GALNTL6: variants seen among roughly 807,000 people sequenced by gnomAD.
The protein encoded by GALNTL6 is polypeptide N-acetylgalactosaminyltransferase-like 6.
Under a neutral mutation model 73.7 loss-of-function variants are expected in GALNTL6, and 46 were observed. The ratio of observed to expected loss-of-function variants is 0.62; its 90% CI spans 0.49 to 0.80. GALNTL6 has a LOEUF of 0.80. Among genes scored for constraint, GALNTL6 ranks in the 30% least tolerant of loss-of-function variants. The pLI, the probability that GALNTL6 is intolerant of heterozygous loss-of-function variation, is 0.00. For missense variants in GALNTL6, 604 were observed against 755.0 expected (o/e 0.80, Z 2.34); for synonymous variants, 259 against 263.7 (o/e 0.98, Z 0.17).
intron 5 of GALNTL6, among the ~76,000 whole-genome samples, chr4:172,414,781 C>T (rs1479723203): frequency 6.6e-6 from 1 of 152,150 alleles, no homozygotes; most frequent in Non-Finnish European, 1.5e-5. Context: ...AGACTTTACT[C>T]ATCATATGGT....
chr4:172,363,276 T>C (rs1472185811), intron 5 of GALNTL6, among the ~76,000 whole-genome samples: 2 of 152,170 alleles, frequency 1.3e-5, no homozygotes, highest in Non-Finnish European at 2.9e-5. Flanking sequence ...GTGTTTTTTC[T>C]TCTAACCAAT....
intron 3 of GALNTL6, among the ~76,000 whole-genome samples, chr4:172,311,232 G>A (rs1221160395): frequency 6.6e-6 from 1 of 152,090 alleles, no homozygotes; most frequent in Non-Finnish European, 1.5e-5. Context: ...CAGTGGAATG[G>A]TGTAAATTGG....
At chr4:172,828,232 A>G (rs915242375) in intron 7 of GALNTL6, among the ~76,000 whole-genome samples, 3 of 146,774 alleles carry the variant, frequency 2.0e-5, no homozygotes, top group Non-Finnish European at 4.4e-5. Flanking sequence ...AGATTGCATC[A>G]TTGCACTCTA....
Position 172,879,827 on chromosome 4 carries a change from AAGTT to A in GALNTL6, c.924-2958_924-2955del, listed in dbSNP as rs1745365407. Among the ~76,000 whole-genome samples the A allele has an allele frequency of 1.3e-5, 2 of 151,988 alleles. 1 individual carries two copies. Among genetic ancestry groups the A allele is most frequent in the South Asian group, 4.1e-4 (2 of 4,828 alleles). ...CAATAAAGAAAATCAATGAAACCAAAAGTTAGTTCTTTCAACAGATTAATAAAAT... is the reference window on the plus strand; with the variant it reads ...CAATAAAGAAAATCAATGAAACCAAAAGTTCTTTCAACAGATTAATAAAAT... On this transcript the variant is annotated intron_variant, in intron 7 of 12. Transcript: ENST00000506823.
chr4:172,132,903 T>C (rs554624853), intron 2 of GALNTL6, among the ~76,000 whole-genome samples: 3 of 152,326 alleles, frequency 2.0e-5, no homozygotes, highest in East Asian at 3.9e-4. Flanking sequence ...CTCTAAAATA[T>C]AGAAACTGGG....
chr4:172,689,616 C>A (rs190918311), intron 5 of GALNTL6, among the ~76,000 whole-genome samples: 1 of 152,220 alleles, frequency 6.6e-6, no homozygotes, highest in East Asian at 1.9e-4. Flanking sequence ...CAGCAAGGGA[C>A]AAGATCTTCT....
intron 5 of GALNTL6, among the ~76,000 whole-genome samples, chr4:172,670,833 G>A (rs1457460393): frequency 2.0e-5 from 3 of 152,126 alleles, no homozygotes; most frequent in Non-Finnish European, 4.4e-5. Flanking sequence ...TGTATCTGGT[G>A]TAAGGAAGGG....
intron 2 of GALNTL6, among the ~76,000 whole-genome samples, chr4:171,834,257 A>T (rs2110830353): frequency 6.6e-6 from 1 of 152,114 alleles, no homozygotes; most frequent in South Asian, 2.1e-4. Context: ...GGATAAAATA[A>T]TCTTGCCTAA....
At position 172,597,203 on chromosome 4, in the gene GALNTL6, A is replaced by G. The variant is rs144561958; in HGVS notation, c.554-212158A>G. On this transcript the variant is annotated intron_variant, in intron 5 of 12. Coordinates refer to ENST00000506823, the MANE Select transcript of GALNTL6 (RefSeq NM_001034845.3). ...GAGTCACAAAACTAATGGATTTGCT[A>G]CCCAGGGGACATCAATTGGATATGA... is the stretch of plus-strand genomic sequence containing the variant. 8.3e-3 allele frequency among the ~76,000 whole-genome samples: 1,262 copies of G among 152,242 alleles called. 17 individuals are homozygous for G. Among genetic ancestry groups the G allele is most frequent in the African/African-American group, 0.028 (1,153 of 41,552 alleles).
chr4:171,897,303 T>C (rs1736950905), intron 2 of GALNTL6, among the ~76,000 whole-genome samples: 1 of 152,200 alleles, frequency 6.6e-6, no homozygotes. Flanking sequence ...TATCTTTATC[T>C]TATTCATTAC....
At chr4:172,981,657 T>A (rs1751067169) in intron 10 of GALNTL6, among the ~76,000 whole-genome samples, 1 of 152,184 alleles carries the variant, frequency 6.6e-6, no homozygotes, top group Non-Finnish European at 1.5e-5. Context: ...TTCTTCCTTT[T>A]CAAGATTGTT....
At chr4:172,096,378 A>T (rs1231524091) in intron 2 of GALNTL6, among the ~76,000 whole-genome samples, 3 of 152,160 alleles carry the variant, frequency 2.0e-5, no homozygotes, top group Non-Finnish European at 4.4e-5. Flanking sequence ...TATAGGCATG[A>T]GCCACTGCCG....
At chr4:172,134,432 G>T (rs1322858916) in intron 2 of GALNTL6, among the ~76,000 whole-genome samples, 1 of 151,678 alleles carries the variant, frequency 6.6e-6, no homozygotes, top group African/African-American at 2.4e-5. Context: ...AACTGGATTA[G>T]GAAAACATGG....
intron 5 of GALNTL6, among the ~76,000 whole-genome samples, chr4:172,420,141 T>C (rs1394167670): frequency 6.6e-6 from 1 of 152,216 alleles, no homozygotes; most frequent in African/African-American, 2.4e-5. Context: ...ATGGAACTCA[T>C]GTAATTTTCT....
At chr4:172,853,637 C>T (rs148638436) in intron 7 of GALNTL6, among the ~76,000 whole-genome samples, 27 of 152,322 alleles carry the variant, frequency 1.8e-4, no homozygotes, top group African/African-American at 6.5e-4. Flanking sequence ...ACTCATTTAA[C>T]TGCCTTACAA....
chr4:172,362,583 A>T (rs1295850681), intron 5 of GALNTL6, among the ~76,000 whole-genome samples: 1 of 152,190 alleles, frequency 6.6e-6, no homozygotes, highest in South Asian at 2.1e-4. Context: ...ATAATTGTGC[A>T]CACTATACCT....
intron 5 of GALNTL6, among the ~76,000 whole-genome samples, chr4:172,623,807 T>C (rs1739054994): frequency 6.6e-6 from 1 of 152,098 alleles, no homozygotes; most frequent in Admixed American, 6.6e-5. Context: ...TGGAAGGCAA[T>C]TTTTTCATTA....
rs1386359209 is a variant in GALNTL6, at chr4:172,809,795, A to G, written c.739+249A>G. 1.3e-5 allele frequency among the ~76,000 whole-genome samples: 2 copies of G among 152,136 alleles called. No individual in the cohort carries two copies. Among genetic ancestry groups the G allele is most frequent in the African/African-American group, 4.8e-5 (2 of 41,424 alleles). On this transcript the variant is annotated intron_variant, in intron 6 of 12. Transcript: ENST00000506823. The surrounding 1 kb of genome is among the most constrained non-coding windows in gnomAD (Gnocchi z 4.4). ...TTCAATCTAACTTACAGTTTAGAAA[A>G]GGTTTCATTTATCTTAGATATCCTC...
In GALNTL6 at chr4:172,156,568, C is replaced by CTATATATATATATACTATATATAT. The variant is rs1560945829; in HGVS notation, c.139-73088_139-73087insTATATATATATATACTATATATAT. Among the ~76,000 whole-genome samples, 8 of 115,790 alleles carry CTATATATATATATACTATATATAT rather than the reference C, an allele frequency of 6.9e-5. 1 individual carries two copies. The highest frequency in any genetic ancestry group is 2.2e-4 in the African/African-American group (6 of 26,922). The allele number at this position is 115,790 out of a possible 152,430, so 76.0% of individuals were successfully genotyped here. Reference sequence around the variant, plus strand: ...ATATATATATATATATATATATATACATACTATATATATATAGTATATTGT... The same window carrying CTATATATATATATACTATATATAT: ...ATATATATATATATATATATATATACTATATATATATATACTATATATATATACTATATATATATAGTATATTGT... On this transcript the variant is annotated intron_variant, in intron 2 of 12. Coordinates refer to ENST00000506823, the MANE Select transcript of GALNTL6 (RefSeq NM_001034845.3).
Sources: gnomAD v4.1 joint callset for allele counts (sites outside exome capture counted in the v4.1 genomes callset) on GRCh38, gnomAD v4.1.1 for gene constraint, Gnocchi (gnomAD v3.1) non-coding constraint, MANE v1.5 for transcripts, NCBI Gene and HGNC (gene_info 2026-07-23, HGNC 2026-07-21) for gene names.